PDE4B: variants seen among roughly 807,000 people sequenced by gnomAD.
PDE4B encodes the protein phosphodiesterase 4B.
PDE4B carries 20 observed loss-of-function variants against 82.2 expected under a neutral mutation model. The ratio of observed to expected loss-of-function variants is 0.24; its 90% CI spans 0.17 to 0.35. The LOEUF is 0.35. Ranked by LOEUF, PDE4B falls within the 10% of genes least tolerant of loss-of-function variation. The pLI, the probability that PDE4B is intolerant of heterozygous loss-of-function variation, is 1.00. For synonymous variants in PDE4B, 320 were observed against 318.9 expected (o/e 1.00, Z -0.04); for missense variants, 655 against 907.2 (o/e 0.72, Z 3.57).
intron 3 of PDE4B, among the ~76,000 whole-genome samples, chr1:66,192,444 C>T (rs562053891): frequency 5.4e-4 from 83 of 152,302 alleles, no homozygotes; most frequent in African/African-American, 1.8e-3. Context: ...CCTAGCTCTT[C>T]TCACTGTACT....
chr1:65,964,048 A>G (rs1019280164), intron 3 of PDE4B, among the ~76,000 whole-genome samples: 4 of 152,196 alleles, frequency 2.6e-5, no homozygotes, highest in Admixed American at 2.6e-4. Context: ...GATAAGAATA[A>G]AAAATATTTC....
intron 7 of PDE4B, among the ~76,000 whole-genome samples, chr1:66,327,496 G>T (rs759611394): frequency 1.2e-4 from 18 of 152,048 alleles, no homozygotes; most frequent in Non-Finnish European, 2.2e-4. Flanking sequence ...TTCTAAATGT[G>T]CCTATATCCC....
At chr1:65,943,999 C>T (rs1442737076) in intron 3 of PDE4B, among the ~76,000 whole-genome samples, 1 of 151,930 alleles carries the variant, frequency 6.6e-6, no homozygotes, top group East Asian at 1.9e-4. Context: ...TGCCTAATTG[C>T]TCTGGCTAGG....
At chr1:66,060,558 A>G (rs1024790434) in intron 3 of PDE4B, among the ~76,000 whole-genome samples, 1 of 152,226 alleles carries the variant, frequency 6.6e-6, no homozygotes, top group Non-Finnish European at 1.5e-5. Context: ...CATTTAAAAT[A>G]TATCATAACA....
At chr1:66,318,618 AGT>A (rs1263448935) in intron 7 of PDE4B, among the ~76,000 whole-genome samples, 1 of 152,222 alleles carries the variant, frequency 6.6e-6, no homozygotes, top group Non-Finnish European at 1.5e-5. Flanking sequence ...GACCTAGAAT[AGT>A]GCTTCCCAAT....
At chr1:66,124,279 T>A (rs1050745025) in intron 3 of PDE4B, among the ~76,000 whole-genome samples, 2 of 152,218 alleles carry the variant, frequency 1.3e-5, no homozygotes, top group African/African-American at 4.8e-5. Context: ...TTTCCTTTGT[T>A]AGTTCTGAAG....
chr1:66,028,909 C>T lies in PDE4B; in HGVS notation c.281+110074C>T, dbSNP rs1653604682. ...AGTCTCTAGGAAGTTCCAAATTTTC[C>T]CACATTTTCCTGTCTTCTTCTGAGC... On this transcript the variant is annotated intron_variant, in intron 3 of 16. Transcript: ENST00000341517. Among the ~76,000 whole-genome samples the T allele has an allele frequency of 2.6e-5, 4 of 152,182 alleles. No homozygotes were observed. In the South Asian group the frequency reaches 8.3e-4, roughly 32 times the overall value.
intron 3 of PDE4B, among the ~76,000 whole-genome samples, chr1:66,070,716 A>G (rs945593249): frequency 1.9e-4 from 29 of 152,064 alleles, no homozygotes; most frequent in Non-Finnish European, 3.7e-4. Context: ...CCATGGAAAC[A>G]TGGACAATCA....
chr1:65,983,472 C>T (rs544724681), intron 3 of PDE4B, among the ~76,000 whole-genome samples: 5 of 152,192 alleles, frequency 3.3e-5, no homozygotes, highest in South Asian at 2.1e-4. Context: ...AGAAAGTGAC[C>T]TATTTTGGAG....
At chr1:66,033,477 G>T (rs1250013000) in intron 3 of PDE4B, among the ~76,000 whole-genome samples, 1 of 152,034 alleles carries the variant, frequency 6.6e-6, no homozygotes, top group Non-Finnish European at 1.5e-5. Flanking sequence ...AGACGGTGGC[G>T]CTTTATTCAC....
chr1:65,926,550 T>C (rs1232354156), intron 3 of PDE4B, among the ~76,000 whole-genome samples: 1 of 152,236 alleles, frequency 6.6e-6, no homozygotes, highest in South Asian at 2.1e-4. Flanking sequence ...TTTTTGGCTT[T>C]GAGTAAAATG....
intron 8 of PDE4B, among the ~76,000 whole-genome samples, chr1:66,350,809 C>T (rs1661765691): frequency 6.6e-6 from 1 of 152,196 alleles, no homozygotes; most frequent in South Asian, 2.1e-4. Flanking sequence ...TGTCCTATCA[C>T]TTCAGAAGAA....
intron 3 of PDE4B, chr1:66,046,292 A>T (rs1654709567): frequency 6.6e-6 from 1 of 151,818 alleles, no homozygotes; most frequent in South Asian, 2.1e-4. Context: ...TTAATTCAAA[A>T]GCAGGTATGA....
intron 3 of PDE4B, among the ~76,000 whole-genome samples, chr1:66,079,250 T>C (rs1362140330): frequency 6.6e-6 from 1 of 151,866 alleles, no homozygotes; most frequent in Admixed American, 6.6e-5. Flanking sequence ...TTTTTTATTT[T>C]CAGTGGACCC....
intron 16 of PDE4B, among the ~76,000 whole-genome samples, chr1:66,370,357 G>A (rs1200396354): frequency 6.6e-6 from 1 of 152,052 alleles, no homozygotes; most frequent in Non-Finnish European, 1.5e-5. Flanking sequence ...ATGATGTTCT[G>A]TGGAGCATTT....
intron 8 of PDE4B, chr1:66,354,894 G>T: frequency 6.5e-7 from 1 of 1,535,484 alleles, no homozygotes; most frequent in Non-Finnish European, 8.7e-7. Flanking sequence ...GTTACATCAA[G>T]GTGGGTTAAT....
At chr1:66,027,912 G>C (rs1034681666) in intron 3 of PDE4B, among the ~76,000 whole-genome samples, 10 of 152,314 alleles carry the variant, frequency 6.6e-5, no homozygotes, top group Non-Finnish European at 8.8e-5. Flanking sequence ...TCACAGGTGG[G>C]TGTTGAGTAT....
chr1:66,139,439 A>C (rs1210414689), intron 3 of PDE4B, among the ~76,000 whole-genome samples: 1 of 151,960 alleles, frequency 6.6e-6, no homozygotes, highest in African/African-American at 2.4e-5. Context: ...TAATGCTTCA[A>C]ATCTCCTGGG....
intron 8 of PDE4B, among the ~76,000 whole-genome samples, chr1:66,349,890 C>A (rs1200575442): frequency 6.6e-6 from 1 of 152,026 alleles, no homozygotes; most frequent in East Asian, 1.9e-4. Context: ...TCTTCCCATG[C>A]AAAATTCCTG....
Sources: allele counts gnomAD v4.1 joint callset (sites outside exome capture counted in the v4.1 genomes callset), GRCh38; gene constraint gnomAD v4.1.1; transcripts MANE v1.5; gene names NCBI Gene and HGNC (gene_info 2026-07-23, HGNC 2026-07-21).